The following RBCK1 variants were observed in gnomAD, a reference collection of about 807,000 sequenced individuals.
RBCK1 encodes the protein ranBP-type and C3HC4-type zinc finger-containing protein 1.
RBCK1 carries 44 observed loss-of-function variants against 71.1 expected under a neutral mutation model. That is an observed-to-expected ratio of 0.62 (90% CI 0.49 to 0.80). RBCK1 has a LOEUF of 0.80. Among genes scored for constraint, RBCK1 ranks in the 30% least tolerant of loss-of-function variants. The pLI, the probability that RBCK1 is intolerant of heterozygous loss-of-function variation, is 0.00. For synonymous variants in RBCK1, 306 were observed against 279.7 expected (o/e 1.09, Z -0.94); for missense variants, 569 against 685.0 (o/e 0.83, Z 1.89).
At chr20:418,567 A>G (rs973058761) in intron 4 of RBCK1, among the ~76,000 whole-genome samples, 1 of 151,996 alleles carries the variant, frequency 6.6e-6, no homozygotes, top group African/African-American at 2.4e-5. Context: ...ACGGGGTTTC[A>G]CCGTGTTAGC....
chr20:429,887 A>C (rs116940177), intron 11 of RBCK1, among the ~76,000 whole-genome samples: 3,931 of 152,314 alleles, frequency 0.026, 69 homozygotes, highest in Middle Eastern at 0.075. Context: ...TCCTCTGTGA[A>C]ATGGAGATGA....
intron 6 of RBCK1, 176 bp downstream of exon 6, chr20:419,907 C>T: frequency 7.1e-7 from 1 of 1,404,516 alleles, no homozygotes; most frequent in Non-Finnish European, 9.2e-7. Flanking sequence ...GTGACCTGCC[C>T]TCTCTCAAAG....
In RBCK1 at chr20:430,521, G is replaced by A; in HGVS notation, c.*91G>A. The A allele has an allele frequency of 7.4e-7, 1 of 1,347,230 alleles. No individual in the cohort carries two copies. Among genetic ancestry groups the A allele is most frequent in the Non-Finnish European group, 1.1e-6 (1 of 950,898 alleles). 83.5% of individuals were successfully genotyped at this position (1,347,230 alleles called of 1,614,324 possible). On this transcript the variant is annotated 3_prime_UTR_variant, in exon 12 of 12. Transcript: ENST00000356286. This position sits in a 1 kb window ranked among gnomAD's most constrained non-coding sequence, Gnocchi z 5.6. The stretch of plus-strand genomic sequence containing the variant: ...GGGAGCTTCGTGGACGGCCTTGCTT[G>A]CTGTAGCGTTGTAGGGGCCCTGCCT...
intron 2 of RBCK1, among the ~76,000 whole-genome samples, chr20:414,254 T>TA (rs1007403123): frequency 6.6e-6 from 1 of 151,572 alleles, no homozygotes; most frequent in South Asian, 2.1e-4. Context: ...CTGCAAAAAA[T>TA]AAAAAAAATT....
At chr20:413,654 G>A (rs953176818) in intron 2 of RBCK1, among the ~76,000 whole-genome samples, 1 of 152,086 alleles carries the variant, frequency 6.6e-6, no homozygotes, top group Non-Finnish European at 1.5e-5. Context: ...ACCACAACAT[G>A]GGGGGAATCT....
rs1174205570 is a variant in RBCK1 at position 422,434 on chromosome 20, T to G, written c.1029+196T>G. The stretch of plus-strand genomic sequence containing the variant: ...AGCCCCCCAGACATTTTTCAAGAGC[T>G]TTGTCCATGTGGGGTGTTGAGACCC... On this transcript the variant is annotated intron_variant, in intron 8 of 11. Transcript: ENST00000356286. The surrounding 1 kb of genome is among the most constrained non-coding windows in gnomAD (Gnocchi z 5.0). Among the ~76,000 whole-genome samples, 7 of 151,760 alleles carry G rather than the reference T, an allele frequency of 4.6e-5. No individual in the cohort carries two copies.
In RBCK1 at chr20:419,623, C is replaced by T; in HGVS notation, c.648C>T (p.Cys216=). The T allele has an allele frequency of 6.3e-7, 1 of 1,592,604 alleles. No individual in the cohort carries two copies. Among genetic ancestry groups the T allele is most frequent in the Non-Finnish European group, 8.5e-7 (1 of 1,170,854 alleles). ...NKPTRPGCEM[C]CRARPEAYQV... ...CCACGCGGCCTGGCTGTGAGATGTG[C>T]TGCCGGGCGCGCCCCGAGGCCTACC... Residue 216 remains cysteine (C), a synonymous_variant, in exon 6 of 12, where the codon TGC becomes TGT. Transcript: ENST00000356286.
chr20:419,806 C>G, intron 6 of RBCK1, 75 bp downstream of exon 6: 6 of 1,474,984 alleles, frequency 4.1e-6, no homozygotes, highest in Non-Finnish European at 4.5e-6. Flanking sequence ...GAGACACCTG[C>G]GCACTGCCGC....
intron 6 of RBCK1, 49 bp from the exon 7 acceptor site, chr20:420,822 C>CA (rs1353421263): frequency 6.6e-7 from 1 of 1,515,396 alleles, no homozygotes; most frequent in Non-Finnish European, 8.8e-7. Context: ...GGGGTCTGAC[C>CA]CGCCCCCGAG....
chr20:421,759 C>A (rs1398317255), intron 7 of RBCK1, among the ~76,000 whole-genome samples: 3 of 151,766 alleles, frequency 2.0e-5, no homozygotes, highest in African/African-American at 7.3e-5. Context: ...GTGTTGGGTA[C>A]GTGAGCAGCA....
intron 8 of RBCK1, among the ~76,000 whole-genome samples, chr20:425,623 A>T (rs1252286624): frequency 3.1e-5 from 4 of 130,080 alleles, no homozygotes; most frequent in Admixed American, 8.5e-5. Flanking sequence ...TGCATGGTGT[A>T]TTCTTTTTTT....
Position 430,594 on chromosome 20 carries a change from C to T in RBCK1, c.*164C>T, listed in dbSNP as rs1458225664. 2 of 685,986 alleles carry T rather than the reference C, an allele frequency of 2.9e-6. No individual in the cohort carries two copies. Among genetic ancestry groups the T allele is most frequent in the South Asian group, 1.8e-5 (1 of 55,952 alleles). The allele number at this position is 685,986 out of a possible 1,614,324, so 42.5% of individuals were successfully genotyped here. ...CATCTGCCCCAGTGCCTTTGTCCTT[C>T]CCTTGGGGCTTGCCGGCCAGACTTC... is the stretch of plus-strand genomic sequence containing the variant. On this transcript the variant is annotated 3_prime_UTR_variant, in exon 12 of 12. Coordinates refer to ENST00000356286, the MANE Select transcript of RBCK1 (RefSeq NM_031229.4). The surrounding 1 kb of genome is among the most constrained non-coding windows in gnomAD (Gnocchi z 5.6).
In RBCK1 at chr20:408,705, G is replaced by A; in HGVS notation, c.-53G>A. 3 of 1,607,888 alleles carry A rather than the reference G, an allele frequency of 1.9e-6. No homozygotes were observed. Among genetic ancestry groups the A allele is most frequent in the South Asian group, 2.2e-5 (2 of 89,776 alleles). On this transcript the variant is annotated 5_prime_UTR_variant, in exon 1 of 12. An upstream open reading frame in the 5' UTR loses its in-frame stop. Transcript: ENST00000356286. ...GCCTCTCCCAGGCGACCCGGAGGTAGCATTTCCCAGGAGGCACGGTCCCCC... is the reference window on the plus strand; with the variant it reads ...GCCTCTCCCAGGCGACCCGGAGGTAACATTTCCCAGGAGGCACGGTCCCCC...
intron 2 of RBCK1, among the ~76,000 whole-genome samples, chr20:415,866 G>A (rs550684613): frequency 6.6e-4 from 100 of 152,304 alleles, no homozygotes; most frequent in African/African-American, 2.3e-3. Context: ...GTGAGAGAGG[G>A]AGCAAGAGAG....
chr20:424,918 C>T (rs943059427), intron 8 of RBCK1, among the ~76,000 whole-genome samples: 6 of 152,156 alleles, frequency 3.9e-5, no homozygotes, highest in African/African-American at 1.4e-4. Context: ...CACATAGAAC[C>T]AGAGCAGAAA....
chr20:421,934 G>A lies in RBCK1; in HGVS notation c.918-193G>A, dbSNP rs751771346. 8.6e-5 allele frequency: 49 copies of A among 566,932 alleles called. 1 individual carries two copies. The highest frequency in any genetic ancestry group is 3.7e-4 in the Admixed American group (12 of 32,590). The allele number at this position is 566,932 out of a possible 1,614,324, so 35.1% of individuals were successfully genotyped here. On this transcript the variant is annotated intron_variant, in intron 7 of 11. Transcript: ENST00000356286. ...GGGGCCTGGACCAGAGAATCAGAGC[G>A]GCAGTATGGAGGCAGGGTGGAGGCC...
At chr20:413,568 A>C (rs962286139) in intron 2 of RBCK1, among the ~76,000 whole-genome samples, 2 of 152,152 alleles carry the variant, frequency 1.3e-5, no homozygotes, top group African/African-American at 4.8e-5. Flanking sequence ...CCCTGAATTA[A>C]CTAACTGGCA....
In RBCK1 at chr20:420,979, C is replaced by T; in HGVS notation, c.865C>T (p.Leu289=). Residue 289 remains leucine, a synonymous_variant, in exon 7 of 12, where the codon CTG becomes TTG. Transcript: ENST00000356286. ...PAECPVCYSV[L]APGEAVVLRE... is the part of the protein sequence containing the mutation. ...CGAGTGCCCCGTGTGCTACTCGGTGCTGGCGCCCGGCGAGGCCGTGGTGCT... is the reference window on the plus strand; with the variant it reads ...CGAGTGCCCCGTGTGCTACTCGGTGTTGGCGCCCGGCGAGGCCGTGGTGCT... The T allele has an allele frequency of 6.4e-7, 1 of 1,563,458 alleles. No homozygotes were observed.
In RBCK1 at chr20:429,100, T is replaced by G; in HGVS notation, c.1452+6T>G. On this transcript the variant is annotated splice_donor_region_variant and intron_variant, in intron 11 of 11. Coordinates refer to ENST00000356286, the MANE Select transcript of RBCK1 (RefSeq NM_031229.4). ...GCCCACGCTGGGGCCCTGGGGTGAG[T>G]CTTTGCTCGTGGTGGTGTGGAGAGG... is the stretch of plus-strand genomic sequence containing the variant. The G allele has an allele frequency of 1.9e-6, 3 of 1,607,028 alleles. No individual in the cohort carries two copies. The highest frequency in any genetic ancestry group is 2.5e-6 in the Non-Finnish European group (3 of 1,176,730).
Sources: gnomAD v4.1 joint callset for allele counts (sites outside exome capture counted in the v4.1 genomes callset) on GRCh38, gnomAD v4.1.1 for gene constraint, Gnocchi (gnomAD v3.1) non-coding constraint, MANE v1.5 for transcripts, NCBI Gene and HGNC (gene_info 2026-07-23, HGNC 2026-07-21) for gene names.